The following CCDC73 variants were observed in gnomAD, a reference collection of about 807,000 sequenced individuals.
The protein encoded by CCDC73 is coiled-coil domain containing 73.
In CCDC73, 95 loss-of-function variants were observed where a neutral mutation model predicts 116.5. The observed-to-expected ratio is 0.82, with a 90% confidence interval of 0.69 to 0.97. The LOEUF is 0.97. Ranked by LOEUF, CCDC73 falls within the 50% of genes least tolerant of loss-of-function variation. The pLI is 0.00. For missense variants in CCDC73, 1,066 were observed against 1,206.8 expected, an observed-to-expected ratio of 0.88 and a Z score of 1.73; for synonymous variants, 398 against 401.3, an observed-to-expected ratio of 0.99 and a Z score of 0.10.
At chr11:32,674,656 A>ATG (rs150872872) in intron 9 of CCDC73, among the ~76,000 whole-genome samples, 87,813 of 151,504 alleles carry the variant, frequency 0.58, 25,740 homozygotes, top group East Asian at 0.84. Context: ...GGCTTTTCTC[A>ATG]GCCTATTGTA....
chr11:32,731,274 G>A (rs1565087121), intron 2 of CCDC73, among the ~76,000 whole-genome samples: 2 of 152,182 alleles, frequency 1.3e-5, no homozygotes, highest in Admixed American at 6.5e-5. Context: ...AAAGTGGCCA[G>A]GAAGCTCAAA....
chr11:32,751,178 G>T (rs1376778825), intron 2 of CCDC73, among the ~76,000 whole-genome samples: 1 of 152,158 alleles, frequency 6.6e-6, no homozygotes, highest in African/African-American at 2.4e-5. Context: ...GGCAAAGCTG[G>T]TATCCAAGTT....
rs1855442489 is a variant in CCDC73, at chr11:32,613,592, G to A, written c.2726C>T (p.Pro909Leu). The change falls in exon 16 of 18, where the codon CCT becomes CTT. Residue 909 changes from proline (P) to leucine (L), a missense_variant. By Grantham distance (98) the Pro-to-Leu change is moderately conservative. Coordinates refer to ENST00000335185, the MANE Select transcript of CCDC73 (RefSeq NM_001008391.4). ...PVYMNFSDPG[P>L]WSKVNHIESQ... ...TTCAATGTGATTTACTTTTGACCAA[G>A]GACCGGGGTCTGAAAAATTCATGTA... 6.2e-7 allele frequency: 1 copy of A among 1,614,038 alleles called. No homozygotes were observed. Among genetic ancestry groups the A allele is most frequent in the Non-Finnish European group, 8.5e-7 (1 of 1,179,982 alleles).
chr11:32,746,418 C>T (rs1322316692), intron 2 of CCDC73, among the ~76,000 whole-genome samples: 1 of 152,166 alleles, frequency 6.6e-6, no homozygotes, highest in Non-Finnish European at 1.5e-5. Flanking sequence ...GGATGCTCTT[C>T]TCAAGGAGTA....
chr11:32,830,117 C>T, the CCDC73 span: 7 of 995,196 alleles, frequency 7.0e-6, no homozygotes, highest in Middle Eastern at 5.1e-4. Context: ...CCGAAGGAAC[C>T]GCCCCAAGAA....
intron 2 of CCDC73, among the ~76,000 whole-genome samples, chr11:32,731,568 C>T (rs889422081): frequency 2.0e-5 from 3 of 152,176 alleles, no homozygotes; most frequent in African/African-American, 7.2e-5. Flanking sequence ...GACGAAGCTT[C>T]CAGAGGAACA....
At chr11:32,619,789 A>C (rs186799775) in intron 14 of CCDC73, among the ~76,000 whole-genome samples, 7 of 150,402 alleles carry the variant, frequency 4.7e-5, no homozygotes, top group East Asian at 2.0e-4. Flanking sequence ...GAAGCAGAAG[A>C]AGCAGGAGGA....
intron 1 of CCDC73, among the ~76,000 whole-genome samples, chr11:32,764,049 G>A: frequency 6.6e-6 from 1 of 152,172 alleles, no homozygotes; most frequent in East Asian, 1.9e-4. Flanking sequence ...AAAGCGAGAA[G>A]AGAAGTTTAT....
chr11:32,804,662 T>G, the CCDC73 span, among the ~76,000 whole-genome samples: 1 of 152,226 alleles, frequency 6.6e-6, no homozygotes, highest in South Asian at 2.1e-4. Context: ...CCTTCCATAT[T>G]CTCTTCCTTC....
chr11:32,823,528 T>C, the CCDC73 span, among the ~76,000 whole-genome samples: 1 of 151,114 alleles, frequency 6.6e-6, no homozygotes, highest in Non-Finnish European at 1.5e-5. Flanking sequence ...ATAAAAAAAA[T>C]TTGAGGCAGT....
At chr11:32,742,121 G>A (rs142550751) in intron 2 of CCDC73, among the ~76,000 whole-genome samples, 7,461 of 152,170 alleles carry the variant, frequency 0.049, 201 homozygotes, top group African/African-American at 0.068. Context: ...ATAAACATAC[G>A]TGTGCATGTG....
At chr11:32,785,026 C>T (rs555292613) in intron 1 of CCDC73, among the ~76,000 whole-genome samples, 61 of 152,026 alleles carry the variant, frequency 4.0e-4, no homozygotes, top group African/African-American at 5.5e-4. Flanking sequence ...ATTAGACAGG[C>T]GTGGTGGTGG....
chr11:32,794,458 G>A (rs1661742693), intron 1 of CCDC73, 155 bp downstream of exon 1: 1 of 152,402 alleles, frequency 6.6e-6, no homozygotes, highest in Non-Finnish European at 1.5e-5. Context: ...CAGTCAGGAG[G>A]CTCCAGGCCA....
chr11:32,784,340 A>G (rs1850608937), intron 1 of CCDC73, among the ~76,000 whole-genome samples: 1 of 152,178 alleles, frequency 6.6e-6, no homozygotes, highest in African/African-American at 2.4e-5. Flanking sequence ...AAAAAAAAAA[A>G]AGAAAGCAAT....
intron 2 of CCDC73, among the ~76,000 whole-genome samples, chr11:32,724,318 T>C (rs2133338440): frequency 6.6e-6 from 1 of 152,264 alleles, no homozygotes; most frequent in East Asian, 1.9e-4. Context: ...CTTTCTGAAC[T>C]ACCCTAATAC....
At chr11:32,766,134 A>G (rs566969182) in intron 1 of CCDC73, among the ~76,000 whole-genome samples, 83 of 152,280 alleles carry the variant, frequency 5.5e-4, no homozygotes, top group African/African-American at 1.9e-3. Context: ...TCATCCCTGG[A>G]ATGCAAGGCT....
chr11:32,642,894 C>G (rs1019746458), intron 12 of CCDC73, among the ~76,000 whole-genome samples: 1 of 151,478 alleles, frequency 6.6e-6, no homozygotes, highest in African/African-American at 2.4e-5. Flanking sequence ...TAAAGTTATT[C>G]TCTCAGTTTT....
intron 1 of CCDC73, among the ~76,000 whole-genome samples, chr11:32,778,618 C>G (rs1170767180): frequency 6.6e-6 from 1 of 152,036 alleles, no homozygotes; most frequent in Non-Finnish European, 1.5e-5. Context: ...TCGTGACCAG[C>G]CTGGCCAACA....
At chr11:32,722,658 T>C (rs1849999909) in intron 2 of CCDC73, among the ~76,000 whole-genome samples, 1 of 152,210 alleles carries the variant, frequency 6.6e-6, no homozygotes, top group South Asian at 2.1e-4. Flanking sequence ...GGAGTGTACA[T>C]AAAACATGCA....
Sources: allele counts gnomAD v4.1 joint callset (sites outside exome capture counted in the v4.1 genomes callset), GRCh38; gene constraint gnomAD v4.1.1; transcripts MANE v1.5; gene names NCBI Gene and HGNC (gene_info 2026-07-23, HGNC 2026-07-21).